CPT1B: variants seen among roughly 807,000 people sequenced by gnomAD.
The protein encoded by CPT1B is carnitine O-palmitoyltransferase 1, muscle isoform.
Under a neutral mutation model 92.7 loss-of-function variants are expected in CPT1B, and 57 were observed. That is an observed-to-expected ratio of 0.62 (90% CI 0.50 to 0.77). The LOEUF is 0.77. CPT1B is among the 30% of genes least tolerant of loss of function. The probability of loss-of-function intolerance (pLI) is 0.00; values close to 1 mark genes in which losing one functional copy is unlikely to be tolerated. For missense variants in CPT1B, 983 were observed against 1,017.4 expected (o/e 0.97, Z 0.46); for synonymous variants, 398 against 383.5 (o/e 1.04, Z -0.44).
chr22:50,572,923 C>T lies in CPT1B; in HGVS notation c.1304G>A (p.Ser435Asn), dbSNP rs2070247531. The change falls in exon 11 of 20, where the codon AGC (serine) becomes AAC (asparagine). Residue 435 changes from serine to asparagine, a missense_variant. Coordinates refer to ENST00000312108, the MANE Select transcript of CPT1B (RefSeq NM_152246.3). ...SYSYDPEDEA[S>N]LSLYGKALLH... ...CAGGGCCTTGCCATAGAGGCTGAGG[C>T]TGGCCTCATCTTCGGGGTCATAGGA... is the stretch of plus-strand genomic sequence containing the variant. 1.2e-6 allele frequency: 2 copies of T among 1,613,308 alleles called. No individual in the cohort carries two copies. The highest frequency in any genetic ancestry group is 1.3e-5 in the African/African-American group (1 of 74,926).
At position 50,577,495 on chromosome 22, in the gene CPT1B, C is replaced by T. The variant is rs772148155; in HGVS notation, c.142-32G>A. ...GCAGAAACAGGCGCCCTTATGGAGC[C>T]GGAAGGCGGGAGGTTAGCCTGCCTG... On this transcript the variant is annotated intron_variant, in intron 2 of 19. Coordinates refer to ENST00000312108, the MANE Select transcript of CPT1B (RefSeq NM_152246.3). 38 of 1,610,872 alleles carry T rather than the reference C, an allele frequency of 2.4e-5. No homozygotes were observed. The African/African-American group carries it at 2.5e-4, about 11-fold the overall frequency.
At chr22:50,571,617 G>A (rs1293597164) in intron 13 of CPT1B, 78 bp from the exon 14 acceptor site, 10 of 1,488,572 alleles carry the variant, frequency 6.7e-6, no homozygotes, top group East Asian at 4.5e-5. Flanking sequence ...GAGGCATGAC[G>A]TTTAGCTGGT....
chr22:50,577,837 C>T lies in CPT1B; in HGVS notation c.79G>A (p.Ala27Thr). ...DGVDFRLSRE[A>T]LKHVYLSGIN... The stretch of plus-strand genomic sequence containing the variant: ...CCAGACAGGTAGACGTGTTTCAGGG[C>T]CTCCCGACTGAGCCGGAAGTCGACC... The change falls in exon 2 of 20, where the codon GCC (alanine) becomes ACC (threonine). Residue 27 changes from alanine to threonine, a missense_variant. Ala to Thr is a moderately conservative substitution (Grantham distance 58, BLOSUM62 0). Transcript: ENST00000312108. 6.2e-7 allele frequency: 1 copy of T among 1,613,860 alleles called. No individual in the cohort carries two copies. The highest frequency in any genetic ancestry group is 1.1e-5 in the South Asian group (1 of 91,088).
chr22:50,577,906 C>T lies in CPT1B; in HGVS notation c.10G>A (p.Ala4Thr). MAEAHQAVAFQFTV... is the reference protein window; with the variant it reads MAETHQAVAFQFTV... The stretch of plus-strand genomic sequence containing the variant: ...AACTGGAAGGCCACGGCCTGGTGAG[C>T]TTCCGCCATCCTGGGGGTTGGTCGG... Residue 4 changes from alanine to threonine, a missense_variant, in exon 2 of 20, where the codon GCT becomes ACT. Transcript: ENST00000312108. The T allele has an allele frequency of 6.2e-7, 1 of 1,610,220 alleles. No individual in the cohort carries two copies. Among genetic ancestry groups the T allele is most frequent in the Non-Finnish European group, 8.5e-7 (1 of 1,177,668 alleles).
chr22:50,569,747 C>T lies in CPT1B; in HGVS notation c.2143-79G>A, dbSNP rs940343031. ...AAGCCAAGCTGATATTGTACTTGTT[C>T]TTCCCACAAGAGTTGCAGGAACGGG... is the stretch of plus-strand genomic sequence containing the variant. On this transcript the variant is annotated intron_variant, in intron 17 of 19. Transcript: ENST00000312108. The T allele has an allele frequency of 1.4e-5, 18 of 1,256,988 alleles. No individual in the cohort carries two copies. The African/African-American group carries it at 2.5e-4, about 18-fold the overall frequency. The allele number at this position is 1,256,988 out of a possible 1,614,324, so 77.9% of individuals were successfully genotyped here. A position where few individuals can be genotyped will look rare whatever the true frequency, so the allele number is the denominator to read the frequency against.
chr22:50,574,317 G>T lies in CPT1B; in HGVS notation c.970+18C>A, dbSNP rs1311095864. 6.3e-7 allele frequency: 1 copy of T among 1,599,842 alleles called. No individual in the cohort carries two copies. The highest frequency in any genetic ancestry group is 8.5e-7 in the Non-Finnish European group (1 of 1,172,050). On this transcript the variant is annotated intron_variant, in intron 9 of 19. Transcript: ENST00000312108. ...CCAGCCAGATGGCCCACAGGTAGCA[G>T]CGAGGGGGCTCAGTTACCTGTGTCC... is the stretch of plus-strand genomic sequence containing the variant.
In CPT1B at chr22:50,573,175, G is replaced by C. The variant is rs1278005114; in HGVS notation, c.1167-115C>G. The stretch of plus-strand genomic sequence containing the variant: ...GGTGCCAGGCTGGACCTGGAGATGG[G>C]GGGTACCACGCTGGACCTGGAGATG... On this transcript the variant is annotated intron_variant, in intron 10 of 19. Coordinates refer to ENST00000312108, the MANE Select transcript of CPT1B (RefSeq NM_152246.3). This position sits in a 1 kb window ranked among gnomAD's most constrained non-coding sequence, Gnocchi z 5.0. The C allele has an allele frequency of 7.9e-6, 7 of 884,556 alleles. No homozygotes were observed. Among genetic ancestry groups the C allele is most frequent in the Non-Finnish European group, 1.2e-5 (7 of 580,138 alleles). The allele number at this position is 884,556 out of a possible 1,614,324, so 54.8% of individuals were successfully genotyped here. A position where few individuals can be genotyped will look rare whatever the true frequency, so the allele number is the denominator to read the frequency against.
In CPT1B at chr22:50,576,327, C is replaced by A; in HGVS notation, c.570G>T (p.Glu190Asp). The change falls in exon 6 of 20, where the codon GAG (glutamate) becomes GAT (aspartate). Residue 190 changes from glutamate to aspartate, a missense_variant. Glu to Asp is a conservative substitution (Grantham distance 45). Transcript: ENST00000312108. ...CATCATCCAACAAGGGGCGCACAGACTCTAGGTACTGTCCAGCCAGTTATC... is the reference window on the plus strand; with the variant it reads ...CATCATCCAACAAGGGGCGCACAGAATCTAGGTACTGTCCAGCCAGTTATC... ...RVSATIQRYL[E>D]SVRPLLDDEE... 6.2e-7 allele frequency: 1 copy of A among 1,614,068 alleles called. No homozygotes were observed. The highest frequency in any genetic ancestry group is 8.5e-7 in the Non-Finnish European group (1 of 1,180,030).
At chr22:50,578,059 G>A in intron 1 of CPT1B, 125 bp from the exon 2 acceptor site, 1 of 520,108 alleles carries the variant, frequency 1.9e-6, no homozygotes, top group Non-Finnish European at 2.6e-6. Context: ...GGCTGCCCCC[G>A]GCCCGCGCCC....
At chr22:50,575,340 C>A (rs941525199) in intron 7 of CPT1B, among the ~76,000 whole-genome samples, 2 of 152,170 alleles carry the variant, frequency 1.3e-5, no homozygotes, top group Non-Finnish European at 2.9e-5. Context: ...ATTTTATGTG[C>A]TTATATTCTA....
intron 7 of CPT1B, among the ~76,000 whole-genome samples, chr22:50,575,368 A>T (rs898964630): frequency 1.3e-5 from 2 of 152,222 alleles, no homozygotes; most frequent in African/African-American, 4.8e-5. Context: ...TGCTTTGATA[A>T]AGGGGTTCTA....
Position 50,571,280 on chromosome 22 carries a change from A to T in CPT1B, c.1753T>A (p.Phe585Ile), listed in dbSNP as rs1329206260. The change falls in exon 15 of 20, where the codon TTC becomes ATC. Residue 585 changes from phenylalanine (F) to isoleucine (I), a missense_variant. Physicochemically the swap from Phe to Ile is conservative, Grantham distance 21. Transcript: ENST00000312108. ...ATTGAGGCCTCATAGGTCAGGCAGAACTTACCCCTGTCCTGGGATATACAG... is the reference window on the plus strand; with the variant it reads ...ATTGAGGCCTCATAGGTCAGGCAGATCTTACCCCTGTCCTGGGATATACAG... ...QLAHFRDRGK[F>I]CLTYEASMTR... 2 of 1,613,912 alleles carry T rather than the reference A, an allele frequency of 1.2e-6. No homozygotes were observed. Among genetic ancestry groups the T allele is most frequent in the South Asian group, 2.2e-5 (2 of 91,080 alleles).
chr22:50,573,407 T>G lies in CPT1B; in HGVS notation c.1166+113A>C. The G allele has an allele frequency of 2.1e-6, 2 of 935,480 alleles. No individual in the cohort carries two copies. The highest frequency in any genetic ancestry group is 3.2e-6 in the Non-Finnish European group (2 of 626,096). The allele number at this position is 935,480 out of a possible 1,614,324, so 57.9% of individuals were successfully genotyped here. On this transcript the variant is annotated intron_variant, in intron 10 of 19. Transcript: ENST00000312108. This position sits in a 1 kb window ranked among gnomAD's most constrained non-coding sequence, Gnocchi z 5.0. The stretch of plus-strand genomic sequence containing the variant: ...CTGCTGCCATGACCACCAATGCCCC[T>G]CCCCTAGTTGTGCCTCCAGCCTCCA...
At position 50,569,043 on chromosome 22, in the gene CPT1B, G is replaced by T; in HGVS notation, c.*41C>A. ...GTGGTCTGAGCTGGGGGAGGGGGAG[G>T]GCCTCCGAGTTCCCAAACAAAACAC... On this transcript the variant is annotated 3_prime_UTR_variant, in exon 20 of 20. Transcript: ENST00000312108. 1 of 309,324 alleles carries T rather than the reference G, an allele frequency of 3.2e-6. No homozygotes were observed. The highest frequency in any genetic ancestry group is 6.1e-6 in the Non-Finnish European group (1 of 163,786). The allele number at this position is 309,324 out of a possible 1,614,324, so 19.2% of individuals were successfully genotyped here. A position where few individuals can be genotyped will look rare whatever the true frequency, so the allele number is the denominator to read the frequency against.
chr22:50,569,558 C>A lies in CPT1B; in HGVS notation c.2235+18G>T, dbSNP rs146709052. ...GTGGCACCCCTTCCTCAGGCCTGAG[C>A]TGTGGCAGGAGACTCACCGTCTCTG... On this transcript the variant is annotated intron_variant, in intron 18 of 19. Coordinates refer to ENST00000312108, the MANE Select transcript of CPT1B (RefSeq NM_152246.3). 9.2e-3 allele frequency: 14,833 copies of A among 1,612,756 alleles called. 100 individuals are homozygous for A. The highest frequency in any genetic ancestry group is 9.7e-3 in the Non-Finnish European group (11,433 of 1,178,864).
Position 50,571,535 on chromosome 22 carries a change from T to G in CPT1B, c.1580A>C (p.Gln527Pro), listed in dbSNP as rs778631811. The change falls in exon 14 of 20, where the codon CAG becomes CCG. Residue 527 changes from glutamine (Q) to proline (P), a missense_variant. Coordinates refer to ENST00000312108, the MANE Select transcript of CPT1B (RefSeq NM_152246.3). The part of the protein sequence containing the change: ...RLQWDIPKQC[Q>P]AVIESSYQVA... ...CTGGTAGGAACTCTCGATGACCGCC[T>G]GGCACTGCCAAGACATGGGAAGGGT... 83 of 1,611,712 alleles carry G rather than the reference T, an allele frequency of 5.1e-5. 1 individual carries two copies. In the South Asian group the frequency reaches 8.8e-4, roughly 17 times the overall value.
rs776795693 is a variant in CPT1B at position 50,573,687 on chromosome 22, C to T, written c.999G>A (p.Arg333=). The T allele has an allele frequency of 1.2e-6, 2 of 1,612,770 alleles. No individual in the cohort carries two copies. Among genetic ancestry groups the T allele is most frequent in the Non-Finnish European group, 1.7e-6 (2 of 1,179,882 alleles). Residue 333 remains arginine, a synonymous_variant, in exon 10 of 20, where the codon CGG becomes CGA. Coordinates refer to ENST00000312108, the MANE Select transcript of CPT1B (RefSeq NM_152246.3). This position sits in a 1 kb window ranked among gnomAD's most constrained non-coding sequence, Gnocchi z 5.0. ...TDVLQHLSDS[R]HVAVYHKGRF... ...GTCCCTTGTGGTAGACAGCCACGTGCCGGCTGTCTGAGAGGTGCTGTAGCA... is the reference window on the plus strand; with the variant it reads ...GTCCCTTGTGGTAGACAGCCACGTGTCGGCTGTCTGAGAGGTGCTGTAGCA...
At chr22:50,577,645 G>C in intron 2 of CPT1B, 130 bp downstream of exon 2, 2 of 1,443,088 alleles carry the variant, frequency 1.4e-6, no homozygotes, top group Non-Finnish European at 1.9e-6. Context: ...GCACCCCTCT[G>C]GTGTCTGTAC....
chr22:50,570,210 T>C (rs908675969), intron 17 of CPT1B, 83 bp downstream of exon 17: 9 of 993,912 alleles, frequency 9.1e-6, no homozygotes, highest in Non-Finnish European at 1.3e-5. Context: ...CTCCTGCCTC[T>C]CGTCTGACCT....
Sources: allele counts gnomAD v4.1 joint callset (sites outside exome capture counted in the v4.1 genomes callset), GRCh38; gene constraint gnomAD v4.1.1; non-coding constraint Gnocchi (gnomAD v3.1); transcripts MANE v1.5; gene names NCBI Gene and HGNC (gene_info 2026-07-23, HGNC 2026-07-21).